Variants in GARNL3 observed in about 807,000 individuals in gnomAD.
GARNL3 encodes GTPase activating Rap/RanGAP domain like 3.
A neutral mutation model predicts 125.0 loss-of-function variants in GARNL3; 63 were observed. That is an observed-to-expected ratio of 0.50 (90% CI 0.41 to 0.62). GARNL3 has a LOEUF of 0.62. Ranked by LOEUF, GARNL3 falls within the 20% of genes least tolerant of loss-of-function variation. The pLI is 0.00. For synonymous variants in GARNL3, 439 were observed against 457.5 expected (o/e 0.96, Z 0.52); for missense variants, 994 against 1,244.0 (o/e 0.80, Z 3.02).
At chr9:127,366,926 G>T (rs1481437471) in intron 22 of GARNL3, 1 of 149,616 alleles carries the variant, frequency 6.7e-6, no homozygotes, top group African/African-American at 2.4e-5. Context: ...CTTCATCTCA[G>T]GATGGGATCG....
chr9:127,341,911 C>T (rs755805720), intron 13 of GARNL3, among the ~76,000 whole-genome samples: 42 of 152,034 alleles, frequency 2.8e-4, no homozygotes, highest in Admixed American at 5.9e-4. Context: ...GGGGTTGGTG[C>T]GCTGAGAGGA....
At chr9:127,290,771 T>G (rs1247875796) in intron 1 of GARNL3, among the ~76,000 whole-genome samples, 1 of 152,252 alleles carries the variant, frequency 6.6e-6, no homozygotes, top group Non-Finnish European at 1.5e-5. Context: ...CTTGAGTTCT[T>G]GCCAGCCACT....
At chr9:127,356,303 C>A (rs10987606) in intron 20 of GARNL3, 66,587 of 151,988 alleles carry the variant, frequency 0.44, 16,441 homozygotes, top group South Asian at 0.67. Context: ...GGGAAGAAGC[C>A]GTGGGCAATG....
At chr9:127,243,489 C>A (rs1177448932) in intron 2 of GARNL3, among the ~76,000 whole-genome samples, 1 of 152,210 alleles carries the variant, frequency 6.6e-6, no homozygotes, top group African/African-American at 2.4e-5. Flanking sequence ...AGATTCAGTT[C>A]TTGTCATCAG....
intron 19 of GARNL3, 27 bp downstream of exon 19, chr9:127,354,437 T>A: frequency 7.3e-7 from 1 of 1,377,068 alleles, no homozygotes; most frequent in Non-Finnish European, 1.0e-6. Flanking sequence ...GTAGATTCCA[T>A]TCGATTCGTT....
At chr9:127,375,314 A>G (rs1230587972) in intron 22 of GARNL3, among the ~76,000 whole-genome samples, 2 of 152,126 alleles carry the variant, frequency 1.3e-5, no homozygotes, top group Non-Finnish European at 2.9e-5. Flanking sequence ...AATACAAAAA[A>G]AATTAGCCAG....
intron 3 of GARNL3, among the ~76,000 whole-genome samples, chr9:127,312,228 G>A (rs2065117001): frequency 6.6e-6 from 1 of 152,176 alleles, no homozygotes; most frequent in Non-Finnish European, 1.5e-5. Context: ...CTACATGCCA[G>A]GCAATGTGCA....
chr9:127,306,850 A>C (rs2064970376), intron 2 of GARNL3, among the ~76,000 whole-genome samples: 1 of 152,106 alleles, frequency 6.6e-6, no homozygotes. Flanking sequence ...ACGCCGCTGC[A>C]CTCCAGCATG....
chr9:127,335,242 G>A lies in GARNL3; in HGVS notation c.782G>A (p.Gly261Glu). Residue 261 changes from glycine to glutamate, a missense_variant, in exon 10 of 28, where the codon GGG becomes GAG. By Grantham distance (98) the Gly-to-Glu change is moderately conservative. Transcript: ENST00000373387. ...TTATATTTTGCAGATGATACCACAG[G>A]GATACATTCAGTTTATACTGTGTAC... Reference protein sequence around the residue: ...GGLDTKNDTTGIHSVYTVYQG... With the variant: ...GGLDTKNDTTEIHSVYTVYQG... The A allele has an allele frequency of 6.2e-7, 1 of 1,611,418 alleles. No homozygotes were observed. The highest frequency in any genetic ancestry group is 8.5e-7 in the Non-Finnish European group (1 of 1,177,638).
intron 1 of GARNL3, among the ~76,000 whole-genome samples, chr9:127,274,249 A>G (rs2063896712): frequency 6.6e-6 from 1 of 152,168 alleles, no homozygotes; most frequent in African/African-American, 2.4e-5. Flanking sequence ...GGGGAGAATT[A>G]ACACCACCTG....
chr9:127,303,681 G>C (rs2131426092), intron 2 of GARNL3, among the ~76,000 whole-genome samples: 1 of 152,268 alleles, frequency 6.6e-6, no homozygotes, highest in Admixed American at 6.5e-5. Flanking sequence ...AAAATCAAAG[G>C]AATTATTTTA....
chr9:127,390,427 A>T (rs957360037), intron 26 of GARNL3, among the ~76,000 whole-genome samples: 7 of 152,206 alleles, frequency 4.6e-5, no homozygotes, highest in African/African-American at 1.7e-4. Flanking sequence ...CTTTGAGTCT[A>T]ATTTTTTTGC....
intron 12 of GARNL3, 48 bp downstream of exon 12, chr9:127,338,209 T>A: frequency 7.3e-7 from 1 of 1,361,162 alleles, no homozygotes; most frequent in East Asian, 2.3e-5. Context: ...CTCATGCTTG[T>A]TAATTTAGCA....
In GARNL3 at chr9:127,354,285, T is replaced by A; in HGVS notation, c.1643-9T>A. ...TTAATCTCCTCCTCTGTCTTTTTTA[T>A]GTCACCAGGAAAAGATGCTCGCCTC... On this transcript the variant is annotated splice_polypyrimidine_tract_variant and intron_variant, in intron 18 of 27. Coordinates refer to ENST00000373387, the MANE Select transcript of GARNL3 (RefSeq NM_032293.5). 1 of 1,604,194 alleles carries A rather than the reference T, an allele frequency of 6.2e-7. No individual in the cohort carries two copies. Among genetic ancestry groups the A allele is most frequent in the Non-Finnish European group, 8.5e-7 (1 of 1,172,566 alleles).
chr9:127,384,113 G>T lies in GARNL3; in HGVS notation c.2269+568G>T, dbSNP rs575172445. On this transcript the variant is annotated intron_variant, in intron 23 of 27. Coordinates refer to ENST00000373387, the MANE Select transcript of GARNL3 (RefSeq NM_032293.5). The surrounding 1 kb of genome is among the most constrained non-coding windows in gnomAD (Gnocchi z 4.0). The stretch of plus-strand genomic sequence containing the variant: ...TTTTGTCCTCACAATAAAACTGTGT[G>T]TTAATAGGTCCACAGGACAGCATTT... Among the ~76,000 whole-genome samples, 1 of 152,340 alleles carries T rather than the reference G, an allele frequency of 6.6e-6. No homozygotes were observed. Among genetic ancestry groups the T allele is most frequent in the South Asian group, 2.1e-4 (1 of 4,824 alleles).
At chr9:127,386,505 C>T (rs1402940538) in intron 24 of GARNL3, among the ~76,000 whole-genome samples, 1 of 152,208 alleles carries the variant, frequency 6.6e-6, no homozygotes, top group Non-Finnish European at 1.5e-5. Context: ...CATTATCCCC[C>T]ATGGTGCAGT....
intron 22 of GARNL3, chr9:127,366,785 G>A (rs1359496860): frequency 2.6e-5 from 4 of 152,264 alleles, no homozygotes; most frequent in Admixed American, 2.6e-4. Flanking sequence ...GTGCTGACTG[G>A]AACAGGCCGG....
intron 16 of GARNL3, among the ~76,000 whole-genome samples, chr9:127,346,088 A>C (rs1830121954): frequency 6.6e-6 from 1 of 152,222 alleles, no homozygotes; most frequent in South Asian, 2.1e-4. Flanking sequence ...CAGCCAAAAA[A>C]TTCTTTGGCT....
At position 127,227,342 on chromosome 9, in the gene GARNL3, T is replaced by C. The variant is rs538451187; in HGVS notation, c.-29+3004T>C. ...TGGGCCAGGCGCAGTGGCTCATGCC[T>C]GTAATCCCAGTACTTTGGGAGGCCG... On this transcript the variant is annotated intron_variant, in intron 1 of 10. Coordinates refer to the GARNL3 transcript ENST00000439286. 5.9e-5 allele frequency among the ~76,000 whole-genome samples: 9 copies of C among 152,340 alleles called. No homozygotes were observed. In the East Asian group the frequency reaches 1.7e-3, roughly 29 times the overall value.
Sources: allele counts gnomAD v4.1 joint callset (sites outside exome capture counted in the v4.1 genomes callset), GRCh38; gene constraint gnomAD v4.1.1; non-coding constraint Gnocchi (gnomAD v3.1); transcripts MANE v1.5; gene names NCBI Gene and HGNC (gene_info 2026-07-23, HGNC 2026-07-21).